The following NUP153 variants were observed in gnomAD, a reference collection of about 807,000 sequenced individuals.
The protein encoded by NUP153 is nuclear pore complex protein Nup153.
A neutral mutation model predicts 134.6 loss-of-function variants in NUP153; 27 were observed. The observed-to-expected ratio is 0.20, with a 90% confidence interval of 0.15 to 0.28. The LOEUF (loss-of-function observed/expected upper bound fraction) is 0.28, where lower values mean the gene tolerates loss of function less well. Among genes scored for constraint, NUP153 ranks in the 10% least tolerant of loss-of-function variants. NUP153 has a pLI of 1.00. For synonymous variants in NUP153, 640 were observed against 623.5 expected, an observed-to-expected ratio of 1.03 and a Z score of -0.40; for missense variants, 1,821 against 1,731.3, an observed-to-expected ratio of 1.05 and a Z score of -0.92.
intron 16 of NUP153, among the ~76,000 whole-genome samples, chr6:17,634,553 C>G (rs1263841481): frequency 6.6e-6 from 1 of 152,132 alleles, no homozygotes; most frequent in Non-Finnish European, 1.5e-5. Context: ...TCTCCTGCCT[C>G]TGCCTCCCAA....
chr6:17,697,717 G>C (rs1156847642), intron 1 of NUP153, among the ~76,000 whole-genome samples: 1 of 152,042 alleles, frequency 6.6e-6, no homozygotes, highest in Non-Finnish European at 1.5e-5. Flanking sequence ...AGGCAGCTGG[G>C]GTGGGGGCAG....
At chr6:17,679,966 G>A (rs570211467) in intron 2 of NUP153, among the ~76,000 whole-genome samples, 18 of 152,208 alleles carry the variant, frequency 1.2e-4, no homozygotes, top group Middle Eastern at 3.4e-3. Flanking sequence ...GGTAATCATC[G>A]CAACCAGATA....
At chr6:17,681,351 C>T (rs1329479544) in intron 2 of NUP153, among the ~76,000 whole-genome samples, 3 of 152,068 alleles carry the variant, frequency 2.0e-5, no homozygotes, top group Non-Finnish European at 4.4e-5. Context: ...CTTTGGGAGG[C>T]CGAGGTGGGC....
intron 1 of NUP153, 37 bp from the exon 2 acceptor site, chr6:17,688,655 A>G (rs1235769169): frequency 1.3e-6 from 2 of 1,520,156 alleles, no homozygotes; most frequent in Admixed American, 1.8e-5. Context: ...CAGTTTTAGA[A>G]ATTTATCTTT....
At chr6:17,659,418 A>G (rs116697968) in intron 11 of NUP153, among the ~76,000 whole-genome samples, 1,833 of 152,348 alleles carry the variant, frequency 0.012, 16 homozygotes, top group Middle Eastern at 0.031. Flanking sequence ...TTACTTTTGT[A>G]CCAACCTAAT....
At position 17,616,060 on chromosome 6, in the gene NUP153, G is replaced by A. The variant is rs146439339; in HGVS notation, c.*37C>T. ...TCCAGTATCTGAAAGCAGGGCACCA[G>A]CTGTTGTTAAAATTGAGTACAACAC... On this transcript the variant is annotated 3_prime_UTR_variant, in exon 22 of 22. Transcript: ENST00000262077. 3 of 1,404,002 alleles carry A rather than the reference G, an allele frequency of 2.1e-6. No individual in the cohort carries two copies. The highest frequency in any genetic ancestry group is 3.3e-5 in the Admixed American group (2 of 59,708). 87.0% of individuals were successfully genotyped at this position (1,404,002 alleles called of 1,614,324 possible).
rs370348796 is a variant in NUP153, at chr6:17,625,809, T to C, written c.3900A>G (p.Ala1300=). ...GCATTTTTTCTTTTGTAAATGTACC[T>C]GCAGAGCTAGATGTGGTTGTGGCTC... ...GFGATTTSSS[A]GSSFVFGTGP... is the part of the protein sequence containing the mutation. Residue 1300 remains alanine, a splice_region_variant and synonymous_variant, in exon 19 of 22, where the codon GCA becomes GCG. Transcript: ENST00000262077. The surrounding 1 kb of genome is among the most constrained non-coding windows in gnomAD (Gnocchi z 4.7). The C allele has an allele frequency of 6.2e-7, 1 of 1,608,424 alleles. No homozygotes were observed. The highest frequency in any genetic ancestry group is 1.3e-5 in the African/African-American group (1 of 74,800).
chr6:17,651,334 T>A (rs955258489), intron 11 of NUP153, among the ~76,000 whole-genome samples: 28 of 151,704 alleles, frequency 1.8e-4, no homozygotes, highest in Non-Finnish European at 3.4e-4. Flanking sequence ...AAAACAGAAT[T>A]ATAATAATAA....
At chr6:17,637,095 A>G (rs1039400947) in intron 16 of NUP153, 58 bp downstream of exon 16, 5 of 1,470,112 alleles carry the variant, frequency 3.4e-6, no homozygotes, top group Non-Finnish European at 4.6e-6. Context: ...TCTTAGAATA[A>G]ATTAAACTGT....
intron 1 of NUP153, among the ~76,000 whole-genome samples, chr6:17,701,896 A>T (rs887016156): frequency 6.9e-6 from 1 of 145,104 alleles, no homozygotes; most frequent in African/African-American, 2.5e-5. Context: ...ATCTAGGAGG[A>T]TTAAAGGCGG....
intron 20 of NUP153, among the ~76,000 whole-genome samples, chr6:17,623,509 A>T (rs1561851732): frequency 6.6e-6 from 1 of 152,234 alleles, no homozygotes; most frequent in South Asian, 2.1e-4. Flanking sequence ...TAAGATATAC[A>T]AACCTTTTAA....
At chr6:17,627,801 A>C (rs1348902462) in intron 18 of NUP153, among the ~76,000 whole-genome samples, 3 of 152,250 alleles carry the variant, frequency 2.0e-5, no homozygotes, top group African/African-American at 7.2e-5. Context: ...TATTTGTGGC[A>C]AATAGCTTTT....
chr6:17,645,244 A>C (rs1194188915), intron 14 of NUP153, among the ~76,000 whole-genome samples: 3 of 134,978 alleles, frequency 2.2e-5, no homozygotes, highest in East Asian at 2.0e-4. Context: ...CTCTGTCTCA[A>C]AAAAAAAAAA....
intron 16 of NUP153, among the ~76,000 whole-genome samples, chr6:17,635,988 T>C (rs1291934373): frequency 6.6e-6 from 1 of 152,220 alleles, no homozygotes; most frequent in African/African-American, 2.4e-5. Flanking sequence ...TCAAGGGCTT[T>C]CTTTTTGTAG....
intron 2 of NUP153, among the ~76,000 whole-genome samples, chr6:17,683,332 C>T (rs1246521527): frequency 6.6e-6 from 1 of 152,120 alleles, no homozygotes; most frequent in African/African-American, 2.4e-5. Flanking sequence ...TAGCTATAGC[C>T]ATATGAAAGG....
intron 14 of NUP153, among the ~76,000 whole-genome samples, chr6:17,640,878 C>G (rs1192108938): frequency 6.6e-6 from 1 of 152,074 alleles, no homozygotes; most frequent in Non-Finnish European, 1.5e-5. Flanking sequence ...CCACATCGGC[C>G]TCCCAAAGCA....
chr6:17,668,597 C>T (rs1767694587), intron 8 of NUP153, among the ~76,000 whole-genome samples: 1 of 151,996 alleles, frequency 6.6e-6, no homozygotes, highest in Admixed American at 6.6e-5. Context: ...AGTCCCGGCA[C>T]TTTGGGAGGC....
Position 17,649,288 on chromosome 6 carries a change from G to T in NUP153, c.1408C>A (p.Pro470Thr). 7 of 1,610,514 alleles carry T rather than the reference G, an allele frequency of 4.3e-6. No individual in the cohort carries two copies. Among genetic ancestry groups the T allele is most frequent in the Non-Finnish European group, 5.9e-6 (7 of 1,179,058 alleles). ...GGTAGAGAGATTTTCGGTAATACTG[G>T]AACTTCCATTTCCTAAAACATAACA... is the stretch of plus-strand genomic sequence containing the variant. ...KPLEEEEMEV[P>T]VLPKISLPIT... The change falls in exon 12 of 22, where the codon CCA (proline) becomes ACA (threonine). Residue 470 changes from proline to threonine, a missense_variant. Transcript: ENST00000262077.
At chr6:17,669,184 T>G (rs566882123) in intron 7 of NUP153, 109 bp downstream of exon 7, 1 of 1,092,304 alleles carries the variant, frequency 9.2e-7, no homozygotes, top group Non-Finnish European at 1.3e-6. Context: ...GTTCAAGTGA[T>G]TCTCCTGCCT....
Sources: allele counts gnomAD v4.1 joint callset (sites outside exome capture counted in the v4.1 genomes callset), GRCh38; gene constraint gnomAD v4.1.1; non-coding constraint Gnocchi (gnomAD v3.1); transcripts MANE v1.5; gene names NCBI Gene and HGNC (gene_info 2026-07-23, HGNC 2026-07-21).